Variants in PHF21A observed in about 807,000 individuals in gnomAD.
PHF21A encodes the protein PHD finger protein 21A.
PHF21A carries 11 observed loss-of-function variants against 82.5 expected under a neutral mutation model. The ratio of observed to expected loss-of-function variants is 0.13; its 90% CI spans 0.08 to 0.22. The LOEUF (loss-of-function observed/expected upper bound fraction) is 0.22, where lower values mean the gene tolerates loss of function less well. PHF21A is among the 10% of genes least tolerant of loss of function. The pLI, the probability that PHF21A is intolerant of heterozygous loss-of-function variation, is 1.00. For synonymous variants in PHF21A, 297 were observed against 302.8 expected (o/e 0.98, Z 0.20); for missense variants, 579 against 837.8 (o/e 0.69, Z 3.81).
At position 46,059,067 on chromosome 11, in the gene PHF21A, T is replaced by TA. The variant is rs544850086; in HGVS notation, c.153+17686dup. On this transcript the variant is annotated intron_variant, in intron 6 of 18. Coordinates refer to ENST00000676320, the MANE Select transcript of PHF21A (RefSeq NM_001352027.3). ...TCTTCATGATTAAGCTAGTTGGAGT[T>TA]AGATTCTACTATACATACCAAAGAA... is the stretch of plus-strand genomic sequence containing the variant. 4.3e-3 allele frequency among the ~76,000 whole-genome samples: 648 copies of TA among 152,296 alleles called. 3 individuals carry two copies. Among genetic ancestry groups the TA allele is most frequent in the Non-Finnish European group, 7.5e-3 (510 of 68,018 alleles).
intron 10 of PHF21A, among the ~76,000 whole-genome samples, chr11:45,955,283 AACACACACACAC>A (rs3061874): frequency 6.7e-6 from 1 of 148,554 alleles, no homozygotes; most frequent in Non-Finnish European, 1.5e-5. Flanking sequence ...TTCTCTCTCC[AACACACACACAC>A]ACACACACAC....
chr11:46,053,060 C>T (rs1242943992), intron 6 of PHF21A, among the ~76,000 whole-genome samples: 1 of 152,148 alleles, frequency 6.6e-6, no homozygotes, highest in Non-Finnish European at 1.5e-5. Flanking sequence ...TGTGCCCCCT[C>T]CCAAAGCATT....
chr11:46,083,861 G>A (rs1363948342), intron 4 of PHF21A, among the ~76,000 whole-genome samples: 2 of 152,118 alleles, frequency 1.3e-5, no homozygotes, highest in Non-Finnish European at 2.9e-5. Flanking sequence ...TAAATCACAT[G>A]AATAAAGTCC....
chr11:46,117,880 T>C (rs1267080928), intron 1 of PHF21A: 1 of 152,200 alleles, frequency 6.6e-6, no homozygotes, highest in East Asian at 1.9e-4. Flanking sequence ...CACTTTCAAG[T>C]AGCAAACATT....
At chr11:46,046,329 G>A (rs1392678279) in intron 6 of PHF21A, among the ~76,000 whole-genome samples, 1 of 152,124 alleles carries the variant, frequency 6.6e-6, no homozygotes, top group African/African-American at 2.4e-5. Flanking sequence ...ATATGCAAGG[G>A]AAACCCACTT....
At chr11:46,055,326 A>G (rs1227326812) in intron 6 of PHF21A, among the ~76,000 whole-genome samples, 2 of 152,196 alleles carry the variant, frequency 1.3e-5, no homozygotes, top group Non-Finnish European at 2.9e-5. Context: ...GTTTAATAAT[A>G]GTTAATTAAA....
At chr11:46,115,778 T>C (rs1216480356) in intron 1 of PHF21A, among the ~76,000 whole-genome samples, 1 of 152,166 alleles carries the variant, frequency 6.6e-6, no homozygotes, top group Admixed American at 6.5e-5. Context: ...CCCTTCTCTG[T>C]TTGAATAGTA....
At chr11:46,008,061 G>A (rs1249043574) in intron 6 of PHF21A, among the ~76,000 whole-genome samples, 1 of 152,236 alleles carries the variant, frequency 6.6e-6, no homozygotes, top group Non-Finnish European at 1.5e-5. Flanking sequence ...ACTGGTAGGT[G>A]AAAATTAACA....
At chr11:46,037,663 A>G (rs1474597795) in intron 6 of PHF21A, among the ~76,000 whole-genome samples, 3 of 149,164 alleles carry the variant, frequency 2.0e-5, no homozygotes, top group African/African-American at 7.4e-5. Flanking sequence ...AAAAAAAAAA[A>G]GAGGGTGCTT....
At chr11:46,057,652 G>C (rs2096479402) in intron 6 of PHF21A, among the ~76,000 whole-genome samples, 1 of 152,106 alleles carries the variant, frequency 6.6e-6, no homozygotes, top group South Asian at 2.1e-4. Context: ...CCTAACTCCA[G>C]CAACAAGAGG....
chr11:45,982,510 T>C (rs1191934602), intron 6 of PHF21A, among the ~76,000 whole-genome samples: 1 of 152,200 alleles, frequency 6.6e-6, no homozygotes, highest in East Asian at 1.9e-4. Context: ...CAAAATTCTA[T>C]TTCTCCAATA....
chr11:46,028,165 A>C (rs1019466583), intron 6 of PHF21A, among the ~76,000 whole-genome samples: 1 of 152,068 alleles, frequency 6.6e-6, no homozygotes, highest in Non-Finnish European at 1.5e-5. Flanking sequence ...CAAAAACTGC[A>C]TTTGTATTCC....
At chr11:46,101,450 T>C (rs561502367) in intron 1 of PHF21A, among the ~76,000 whole-genome samples, 1 of 152,330 alleles carries the variant, frequency 6.6e-6, no homozygotes, top group East Asian at 1.9e-4. Flanking sequence ...GGCAAAATGC[T>C]GGTAATTGTT....
chr11:45,991,265 G>A (rs896243224), intron 6 of PHF21A, among the ~76,000 whole-genome samples: 1 of 152,068 alleles, frequency 6.6e-6, no homozygotes, highest in Non-Finnish European at 1.5e-5. Flanking sequence ...TATCACAGTA[G>A]TACCTTGATT....
chr11:45,943,004 C>T (rs1264034952), intron 15 of PHF21A, among the ~76,000 whole-genome samples: 2 of 151,986 alleles, frequency 1.3e-5, no homozygotes, highest in African/African-American at 2.4e-5. Context: ...TCTCCTTGAC[C>T]ATTCTTTTTC....
At chr11:46,024,879 CT>C (rs2095708636) in intron 6 of PHF21A, among the ~76,000 whole-genome samples, 1 of 152,146 alleles carries the variant, frequency 6.6e-6, no homozygotes, top group South Asian at 2.1e-4. Flanking sequence ...CTTAATTTCC[CT>C]TTTCTATACC....
chr11:46,099,441 C>A (rs555056435), intron 1 of PHF21A, among the ~76,000 whole-genome samples: 8 of 151,836 alleles, frequency 5.3e-5, no homozygotes, highest in African/African-American at 1.7e-4. Context: ...TGTGTTCCAT[C>A]CTGCCTCACT....
chr11:45,996,316 A>AT (rs1335756473), intron 6 of PHF21A, among the ~76,000 whole-genome samples: 1 of 152,242 alleles, frequency 6.6e-6, no homozygotes, highest in Non-Finnish European at 1.5e-5. Context: ...AGGTTGACAC[A>AT]TTATAGAGTG....
At chr11:45,978,600 A>T (rs1284938147) in intron 7 of PHF21A, among the ~76,000 whole-genome samples, 1 of 152,212 alleles carries the variant, frequency 6.6e-6, no homozygotes, top group Non-Finnish European at 1.5e-5. Flanking sequence ...GTTGGTTGTA[A>T]GAGGTATCCA....
Sources: allele counts gnomAD v4.1 joint callset (sites outside exome capture counted in the v4.1 genomes callset), GRCh38; gene constraint gnomAD v4.1.1; transcripts MANE v1.5; gene names NCBI Gene and HGNC (gene_info 2026-07-23, HGNC 2026-07-21).